Variants in RIN2 observed in about 807,000 individuals in gnomAD.
The protein encoded by RIN2 is RAB5 interacting protein 2.
In RIN2, 36 loss-of-function variants were observed where a neutral mutation model predicts 78.0. The ratio of observed to expected loss-of-function variants is 0.46; its 90% CI spans 0.35 to 0.61. The LOEUF is 0.61. RIN2 is among the 20% of genes least tolerant of loss of function. The pLI is 0.00. For missense variants in RIN2, 1,087 were observed against 1,159.7 expected (o/e 0.94, Z 0.91); for synonymous variants, 466 against 466.8 (o/e 1.00, Z 0.02).
chr20:19,832,885 T>C (rs1367442025), intron 2 of RIN2, among the ~76,000 whole-genome samples: 1 of 152,012 alleles, frequency 6.6e-6, no homozygotes, highest in African/African-American at 2.4e-5. Flanking sequence ...CCTTCTCCCC[T>C]CCTAAGGGCC....
intron 2 of RIN2, among the ~76,000 whole-genome samples, chr20:19,819,932 CAA>C (rs2035879911): frequency 6.6e-6 from 1 of 152,132 alleles, no homozygotes; most frequent in Admixed American, 6.5e-5. Flanking sequence ...TATAGGTAAT[CAA>C]AGAGATTTAA....
chr20:19,758,145 A>G (rs1158624010), upstream of RIN2: 2 of 151,966 alleles, frequency 1.3e-5, no homozygotes, highest in Non-Finnish European at 2.9e-5. Context: ...GGCAAACACA[A>G]AGCCCTTCCC....
chr20:19,930,741 AGCAGACGTAC>A (rs2040409054), intron 3 of RIN2, among the ~76,000 whole-genome samples: 1 of 152,172 alleles, frequency 6.6e-6, no homozygotes, highest in South Asian at 2.1e-4. Context: ...GTGGGGCTTC[AGCAGACGTAC>A]CCAAACTCCC....
intron 1 of RIN2, among the ~76,000 whole-genome samples, chr20:19,794,102 T>G (rs1195293112): frequency 9.3e-6 from 1 of 108,004 alleles, no homozygotes; most frequent in Non-Finnish European, 1.8e-5. Flanking sequence ...TCAGGGAAAA[T>G]AATATACCCA....
chr20:19,940,137 C>T (rs2040807501), intron 4 of RIN2, among the ~76,000 whole-genome samples: 1 of 152,162 alleles, frequency 6.6e-6, no homozygotes, highest in African/African-American at 2.4e-5. Flanking sequence ...CAAGCGTGTG[C>T]CACCACACCT....
At chr20:19,916,998 G>A (rs1193746708) in intron 3 of RIN2, among the ~76,000 whole-genome samples, 1 of 151,944 alleles carries the variant, frequency 6.6e-6, no homozygotes, top group Non-Finnish European at 1.5e-5. Context: ...AGTTTACAAC[G>A]AGAAAAAGTG....
intron 6 of RIN2, among the ~76,000 whole-genome samples, chr20:19,962,782 C>A (rs1211078333): frequency 6.6e-6 from 1 of 152,106 alleles, no homozygotes; most frequent in African/African-American, 2.4e-5. Flanking sequence ...CATGGTGAAA[C>A]CCCGTCTCTA....
At chr20:19,785,295 C>T (rs2034639768) in intron 1 of RIN2, among the ~76,000 whole-genome samples, 1 of 150,670 alleles carries the variant, frequency 6.6e-6, no homozygotes, top group Non-Finnish European at 1.5e-5. Flanking sequence ...CACACACACA[C>T]ACACACCAGA....
chr20:19,961,874 G>A (rs2041764144), intron 6 of RIN2, among the ~76,000 whole-genome samples: 1 of 152,168 alleles, frequency 6.6e-6, no homozygotes, highest in Non-Finnish European at 1.5e-5. Flanking sequence ...ACATTAGGAT[G>A]CAACCAGAAG....
At chr20:19,821,992 A>T (rs1490534576) in intron 2 of RIN2, among the ~76,000 whole-genome samples, 1 of 152,200 alleles carries the variant, frequency 6.6e-6, no homozygotes. Flanking sequence ...TAGGCTGCAG[A>T]AGGTAGAACT....
intron 2 of RIN2, among the ~76,000 whole-genome samples, chr20:19,811,630 C>T (rs146015054): frequency 2.2e-3 from 333 of 152,294 alleles, no homozygotes; most frequent in Non-Finnish European, 2.0e-3. Flanking sequence ...AACGCAGAAA[C>T]TGTATGCCTA....
At position 19,856,608 on chromosome 20, in the gene RIN2, GGAAGGAAGGAAGGAAA is replaced by G. The variant is rs772114724; in HGVS notation, c.-36-32942_-36-32927del. On this transcript the variant is annotated intron_variant, in intron 2 of 12. Transcript: ENST00000255006. ...AGGGAGGGAGGGAGGATGGAAGAAA[GGAAGGAAGGAAGGAAA>G]GAAGGAAGGAAGGAAGGGAGGGAGG... Among the ~76,000 whole-genome samples, 233 of 150,716 alleles carry G rather than the reference GGAAGGAAGGAAGGAAA, an allele frequency of 1.5e-3. No individual in the cohort carries two copies. The Middle Eastern group carries it at 0.021, about 13-fold the overall frequency.
At chr20:19,796,459 G>A (rs575822839) in intron 1 of RIN2, among the ~76,000 whole-genome samples, 3 of 152,290 alleles carry the variant, frequency 2.0e-5, no homozygotes, top group Admixed American at 1.3e-4. Context: ...TAAAAGTGAA[G>A]AAAATGGAAA....
At position 19,861,554 on chromosome 20, in the gene RIN2, CTGATCACCCTCCATATCTGA is replaced by C. The variant is rs1568551614; in HGVS notation, c.-36-27992_-36-27973del. Among the ~76,000 whole-genome samples the C allele has an allele frequency of 1.8e-3, 265 of 151,364 alleles. 1 individual carries two copies. The highest frequency in any genetic ancestry group is 6.1e-3 in the African/African-American group (253 of 41,248). On this transcript the variant is annotated intron_variant, in intron 2 of 12. Transcript: ENST00000255006. ...CTCCATATCTGATCACCCTCCTTAT[CTGATCACCCTCCATATCTGA>C]TGATCACCCTCCATATCTGGTGATC...
intron 12 of RIN2, among the ~76,000 whole-genome samples, chr20:19,998,348 A>C (rs1364682423): frequency 6.6e-6 from 1 of 151,984 alleles, no homozygotes; most frequent in African/African-American, 2.4e-5. Flanking sequence ...CTGTAATCCC[A>C]GCACCTTAGA....
chr20:19,991,062 C>T (rs1424668226), intron 10 of RIN2, among the ~76,000 whole-genome samples: 1 of 152,112 alleles, frequency 6.6e-6, no homozygotes, highest in Non-Finnish European at 1.5e-5. Context: ...TATTGTAATT[C>T]TGAAGACGAT....
Position 19,917,148 on chromosome 20 carries a change from C to A in RIN2, c.58-17951C>A, listed in dbSNP as rs143224862. On this transcript the variant is annotated intron_variant, in intron 3 of 12. Coordinates refer to ENST00000255006, the MANE Select transcript of RIN2 (RefSeq NM_018993.4). Reference sequence around the variant, plus strand: ...GGCAGGCGGAGTGGGTAAGGTACGACTCCAAATGGCAAAGCCCCAGCTTCA... The same window carrying A: ...GGCAGGCGGAGTGGGTAAGGTACGAATCCAAATGGCAAAGCCCCAGCTTCA... 2.3e-3 allele frequency among the ~76,000 whole-genome samples: 352 copies of A among 150,616 alleles called. 2 individuals are homozygous for A. Among genetic ancestry groups the A allele is most frequent in the African/African-American group, 7.4e-3 (305 of 41,156 alleles).
At chr20:19,847,029 A>G (rs891824096) in intron 2 of RIN2, among the ~76,000 whole-genome samples, 14 of 152,332 alleles carry the variant, frequency 9.2e-5, no homozygotes, top group African/African-American at 3.4e-4. Flanking sequence ...AACATTAGCA[A>G]CTATTCCATT....
chr20:19,801,362 CCAGGCTGGAGTG>C (rs1236927341), intron 2 of RIN2, among the ~76,000 whole-genome samples: 1 of 151,638 alleles, frequency 6.6e-6, no homozygotes, highest in Admixed American at 6.6e-5. Context: ...GCTCTGTCAC[CCAGGCTGGAGTG>C]CAGTGGCGCA....
Sources: gnomAD v4.1 joint callset for allele counts (sites outside exome capture counted in the v4.1 genomes callset) on GRCh38, gnomAD v4.1.1 for gene constraint, MANE v1.5 for transcripts, NCBI Gene and HGNC (gene_info 2026-07-23, HGNC 2026-07-21) for gene names.